The following ROBO1 variants were observed in gnomAD, a reference collection of about 807,000 sequenced individuals.
The protein encoded by ROBO1 is roundabout homolog 1.
Under a neutral mutation model 195.9 loss-of-function variants are expected in ROBO1, and 149 were observed. That is an observed-to-expected ratio of 0.76 (90% CI 0.67 to 0.87). ROBO1 has a LOEUF of 0.87. Ranked by LOEUF, ROBO1 falls within the 40% of genes least tolerant of loss-of-function variation. The pLI is 0.00. For missense variants in ROBO1, 1,933 were observed against 2,068.3 expected (o/e 0.93, Z 1.27); for synonymous variants, 816 against 733.2 (o/e 1.11, Z -1.82).
At chr3:79,547,153 C>A (rs1284440017) in intron 2 of ROBO1, among the ~76,000 whole-genome samples, 3 of 130,398 alleles carry the variant, frequency 2.3e-5, no homozygotes, top group Non-Finnish European at 4.6e-5. Context: ...CCACTGCACT[C>A]CAGCCTGGCA....
chr3:79,053,590 C>T (rs939287991), intron 3 of ROBO1, among the ~76,000 whole-genome samples: 2 of 152,002 alleles, frequency 1.3e-5, no homozygotes, highest in East Asian at 3.9e-4. Context: ...ACTTTGCCAT[C>T]CATTCAGCCT....
At position 79,498,863 on chromosome 3, in the gene ROBO1, G is replaced by GA. The variant is rs1032784026; in HGVS notation, c.88+90960dup. Among the ~76,000 whole-genome samples, 28 of 142,900 alleles carry GA rather than the reference G, an allele frequency of 2.0e-4. 1 individual carries two copies. Among genetic ancestry groups the GA allele is most frequent in the South Asian group, 8.8e-4 (4 of 4,526 alleles). The allele number at this position is 142,900 out of a possible 152,430, so 93.7% of individuals were successfully genotyped here. ...ATTTCACCTTTGCCTCAGAAAAAAA[G>GA]AAAAAAAAAAGATTTGTGATTCCAC... On this transcript the variant is annotated intron_variant, in intron 2 of 30. Coordinates refer to ENST00000464233, the MANE Select transcript of ROBO1 (RefSeq NM_002941.4).
At chr3:78,927,882 A>G (rs2039304689) in intron 4 of ROBO1, among the ~76,000 whole-genome samples, 1 of 152,232 alleles carries the variant, frequency 6.6e-6, no homozygotes, top group African/African-American at 2.4e-5. Flanking sequence ...TCTGAAATGA[A>G]GAGACACATT....
chr3:79,193,917 G>T lies in ROBO1; in HGVS notation c.89-68378C>A, dbSNP rs12491055. ...AGAAAAGAGCTTCAAAAGAGAAAAAGAGGTCAAATGTGTACACCGATGTTA... is the reference window on the plus strand; with the variant it reads ...AGAAAAGAGCTTCAAAAGAGAAAAATAGGTCAAATGTGTACACCGATGTTA... On this transcript the variant is annotated intron_variant, in intron 2 of 30. Transcript: ENST00000464233. 5.6e-3 allele frequency among the ~76,000 whole-genome samples: 846 copies of T among 151,666 alleles called. 18 individuals carry two copies. Among genetic ancestry groups the T allele is most frequent in the Admixed American group, 0.048 (731 of 15,164 alleles).
At chr3:79,140,710 C>T (rs1042486743) in intron 2 of ROBO1, among the ~76,000 whole-genome samples, 1 of 152,070 alleles carries the variant, frequency 6.6e-6, no homozygotes, top group Non-Finnish European at 1.5e-5. Context: ...TGTAATTTGC[C>T]AATTGGGAGT....
intron 4 of ROBO1, among the ~76,000 whole-genome samples, chr3:78,935,046 A>T (rs1357351938): frequency 6.6e-6 from 1 of 152,096 alleles, no homozygotes; most frequent in African/African-American, 2.4e-5. Flanking sequence ...TTTAAGAAGC[A>T]TAAGTTACTA....
At chr3:78,740,478 C>CTTTCT (rs1367064700) in intron 5 of ROBO1, among the ~76,000 whole-genome samples, 6 of 78,376 alleles carry the variant, frequency 7.7e-5, no homozygotes, top group African/African-American at 1.8e-4. Context: ...TTCTTTCTTT[C>CTTTCT]TTTTTTTTTT....
intron 2 of ROBO1, among the ~76,000 whole-genome samples, chr3:79,413,080 GAAC>G (rs1016168002): frequency 2.0e-5 from 3 of 150,764 alleles, no homozygotes; most frequent in African/African-American, 7.3e-5. Flanking sequence ...GAACATTATA[GAAC>G]AATAATATAT....
Position 78,970,549 on chromosome 3 carries a change from CA to C in ROBO1, c.173-31623del, listed in dbSNP as rs1471949846. On this transcript the variant is annotated intron_variant, in intron 3 of 30. Coordinates refer to ENST00000464233, the MANE Select transcript of ROBO1 (RefSeq NM_002941.4). ...AATTGTTGTTTAACTATCACTTCCC[CA>C]AATCTGAAAAATAAATAGGTTAAGA... Among the ~76,000 whole-genome samples the C allele has an allele frequency of 2.6e-5, 4 of 152,130 alleles. No homozygotes were observed. The East Asian group carries it at 7.7e-4, about 29-fold the overall frequency.
intron 4 of ROBO1, 130 bp downstream of exon 4, chr3:78,938,471 C>T: frequency 1.4e-6 from 1 of 706,134 alleles, no homozygotes; most frequent in Non-Finnish European, 2.3e-6. Flanking sequence ...AGATTGTATT[C>T]ACATACAAAG....
At chr3:79,107,542 G>T (rs774887925) in intron 3 of ROBO1, among the ~76,000 whole-genome samples, 18 of 151,638 alleles carry the variant, frequency 1.2e-4, no homozygotes, top group African/African-American at 4.3e-4. Flanking sequence ...TTATGTGTGT[G>T]AATTCTTTTT....
At chr3:79,532,155 A>T (rs9850376) in intron 2 of ROBO1, among the ~76,000 whole-genome samples, 4,767 of 152,284 alleles carry the variant, frequency 0.031, 115 homozygotes, top group Non-Finnish European at 0.046. Context: ...CTAGTCCTAG[A>T]CATGTTGAAC....
chr3:79,701,773 T>C (rs1947628989), intron 1 of ROBO1, among the ~76,000 whole-genome samples: 1 of 151,700 alleles, frequency 6.6e-6, no homozygotes, highest in African/African-American at 2.4e-5. Context: ...TCTGAAGGCC[T>C]GGAACAAAAA....
At chr3:78,798,117 A>G (rs1004290930) in intron 4 of ROBO1, among the ~76,000 whole-genome samples, 6 of 152,228 alleles carry the variant, frequency 3.9e-5, no homozygotes, top group African/African-American at 1.2e-4. Context: ...ATATGGGTAC[A>G]GGTGAAACTA....
chr3:79,069,847 T>C (rs2079057975), intron 3 of ROBO1, among the ~76,000 whole-genome samples: 1 of 151,916 alleles, frequency 6.6e-6, no homozygotes, highest in African/African-American at 2.4e-5. Flanking sequence ...CAGAAAATAA[T>C]AGTTATAATA....
chr3:79,529,105 G>T (rs1330830004), intron 2 of ROBO1, among the ~76,000 whole-genome samples: 1 of 152,106 alleles, frequency 6.6e-6, no homozygotes, highest in East Asian at 1.9e-4. Flanking sequence ...ACATTCCATA[G>T]TCTCTACTAG....
intron 2 of ROBO1, among the ~76,000 whole-genome samples, chr3:79,345,989 C>G (rs2035099598): frequency 6.6e-6 from 1 of 152,092 alleles, no homozygotes; most frequent in African/African-American, 2.4e-5. Flanking sequence ...GGTAAACACA[C>G]TGAAATATTT....
At chr3:78,960,898 T>C (rs758503466) in intron 3 of ROBO1, among the ~76,000 whole-genome samples, 6 of 151,574 alleles carry the variant, frequency 4.0e-5, no homozygotes, top group Non-Finnish European at 8.8e-5. Context: ...TGGTTTTCCA[T>C]TCACAAACTT....
At chr3:79,349,773 G>A in intron 2 of ROBO1, among the ~76,000 whole-genome samples, 1 of 152,048 alleles carries the variant, frequency 6.6e-6, no homozygotes. Flanking sequence ...TGCAAAAACT[G>A]GGCTCTTGTT....
Sources: gnomAD v4.1 joint callset for allele counts (sites outside exome capture counted in the v4.1 genomes callset) on GRCh38, gnomAD v4.1.1 for gene constraint, MANE v1.5 for transcripts, NCBI Gene and HGNC (gene_info 2026-07-23, HGNC 2026-07-21) for gene names.